HSD17B12: variants seen among roughly 807,000 people sequenced by gnomAD.
HSD17B12 encodes very-long-chain 3-oxoacyl-CoA reductase.
HSD17B12 carries 32 observed loss-of-function variants against 39.3 expected under a neutral mutation model. That is an observed-to-expected ratio of 0.81 (90% CI 0.61 to 1.09). The LOEUF (loss-of-function observed/expected upper bound fraction) is 1.09. Ranked by LOEUF, HSD17B12 falls within the 50% of genes least tolerant of loss-of-function variation. The pLI, the probability that HSD17B12 is intolerant of heterozygous loss-of-function variation, is 0.00. For missense variants in HSD17B12, 342 were observed against 382.9 expected (o/e 0.89, Z 0.89); for synonymous variants, 150 against 146.7 (o/e 1.02, Z -0.16).
chr11:43,588,181 T>A, the HSD17B12 span, among the ~76,000 whole-genome samples: 5 of 152,204 alleles, frequency 3.3e-5, no homozygotes, highest in Non-Finnish European at 7.3e-5. Context: ...TTTACTGATT[T>A]TAGAACTGAT....
the HSD17B12 span, among the ~76,000 whole-genome samples, chr11:43,598,769 G>C: frequency 6.6e-6 from 1 of 152,160 alleles, no homozygotes; most frequent in Non-Finnish European, 1.5e-5. Flanking sequence ...TCAGAGTGGG[G>C]TATGCGGGTG....
At chr11:43,655,546 C>T in the HSD17B12 span, among the ~76,000 whole-genome samples, 2 of 152,142 alleles carry the variant, frequency 1.3e-5, no homozygotes, top group Admixed American at 6.5e-5. Context: ...GTGGGTTTCT[C>T]ATAGATAGCT....
chr11:43,796,036 G>A (rs1486090299), intron 3 of HSD17B12, among the ~76,000 whole-genome samples: 2 of 152,126 alleles, frequency 1.3e-5, no homozygotes, highest in Admixed American at 1.3e-4. Flanking sequence ...GGAATGGTAA[G>A]TTTAAGTCCC....
At chr11:43,757,662 A>AAAAAC (rs1950522132) in intron 3 of HSD17B12, among the ~76,000 whole-genome samples, 1 of 144,248 alleles carries the variant, frequency 6.9e-6, no homozygotes, top group Non-Finnish European at 1.5e-5. Context: ...AAAAAAAAAA[A>AAAAAC]AAAAACAAAT....
At chr11:43,608,884 C>T in the HSD17B12 span, among the ~76,000 whole-genome samples, 2 of 152,064 alleles carry the variant, frequency 1.3e-5, no homozygotes, top group African/African-American at 2.4e-5. Flanking sequence ...TCATAGGGAC[C>T]CTCTGAGGTT....
chr11:43,754,302 G>A (rs2097447870), intron 3 of HSD17B12, among the ~76,000 whole-genome samples, 181 bp downstream of exon 3: 1 of 152,200 alleles, frequency 6.6e-6, no homozygotes, highest in African/African-American at 2.4e-5. Flanking sequence ...GCTGGGTGCG[G>A]TGGCTCACGC....
At chr11:43,665,367 C>T in the HSD17B12 span, among the ~76,000 whole-genome samples, 2 of 152,080 alleles carry the variant, frequency 1.3e-5, no homozygotes, top group South Asian at 2.1e-4. Context: ...TGCAGGCATG[C>T]GCCACCATGC....
At chr11:43,742,068 C>T (rs1950370721) in intron 1 of HSD17B12, among the ~76,000 whole-genome samples, 1 of 148,146 alleles carries the variant, frequency 6.8e-6, no homozygotes, top group Non-Finnish European at 1.5e-5. Flanking sequence ...CAGCTGCTAT[C>T]TCTGCTACTA....
intron 1 of HSD17B12, among the ~76,000 whole-genome samples, chr11:43,696,319 CA>C (rs1433761030): frequency 6.6e-6 from 1 of 151,892 alleles, no homozygotes; most frequent in Non-Finnish European, 1.5e-5. Flanking sequence ...GCAAGTTAAA[CA>C]AATTTATAAG....
rs969479326 is a variant in HSD17B12, at chr11:43,831,961, A to T, written c.536+951A>T. On this transcript the variant is annotated intron_variant, in intron 7 of 10. Transcript: ENST00000278353. The surrounding 1 kb of genome is among the most constrained non-coding windows in gnomAD (Gnocchi z 4.1). ...TTGATAGCCTCCCACCATTGTACAG[A>T]TGAGGAAACTGAGGTTAGGAATCCA... Among the ~76,000 whole-genome samples, 1 of 152,220 alleles carries T rather than the reference A, an allele frequency of 6.6e-6. No individual in the cohort carries two copies. Among genetic ancestry groups the T allele is most frequent in the Admixed American group, 6.5e-5 (1 of 15,288 alleles).
intron 6 of HSD17B12, among the ~76,000 whole-genome samples, chr11:43,818,599 A>G (rs997198635): frequency 2.6e-5 from 4 of 152,210 alleles, no homozygotes; most frequent in Non-Finnish European, 5.9e-5. Context: ...TACTAGTTTA[A>G]GGAAATTCAA....
chr11:43,681,140 C>G (rs1949740574), intron 1 of HSD17B12, 153 bp downstream of exon 1: 2 of 1,417,950 alleles, frequency 1.4e-6, no homozygotes, highest in Non-Finnish European at 1.8e-6. Context: ...TCCTGGCTCC[C>G]TTGGCTGTCT....
intron 3 of HSD17B12, among the ~76,000 whole-genome samples, chr11:43,775,732 A>G (rs1950695697): frequency 2.6e-5 from 4 of 151,140 alleles, no homozygotes; most frequent in South Asian, 4.2e-4. Context: ...AGCATTAGGT[A>G]TATCTCCCAA....
intron 1 of HSD17B12, among the ~76,000 whole-genome samples, chr11:43,740,088 A>G (rs902830259): frequency 1.3e-5 from 2 of 152,154 alleles, no homozygotes; most frequent in African/African-American, 4.8e-5. Context: ...GGTGGTAGCA[A>G]TGGGAAGAAG....
the HSD17B12 span, among the ~76,000 whole-genome samples, chr11:43,632,071 G>A: frequency 1.3e-5 from 2 of 152,196 alleles, no homozygotes; most frequent in Non-Finnish European, 1.5e-5. Flanking sequence ...TTGTCAGAAA[G>A]CGCAGATCCT....
At chr11:43,586,042 T>G in the HSD17B12 span, among the ~76,000 whole-genome samples, 22 of 152,180 alleles carry the variant, frequency 1.4e-4, no homozygotes, top group Non-Finnish European at 2.8e-4. Context: ...GTTAAGTGAT[T>G]TTACCAAGGT....
chr11:43,785,993 T>C (rs990322043), intron 3 of HSD17B12, among the ~76,000 whole-genome samples: 2 of 152,170 alleles, frequency 1.3e-5, no homozygotes, highest in Non-Finnish European at 2.9e-5. Flanking sequence ...TGGATACAAG[T>C]TTTCCAAAAC....
At chr11:43,762,104 A>G (rs1565078663) in intron 3 of HSD17B12, among the ~76,000 whole-genome samples, 1 of 152,228 alleles carries the variant, frequency 6.6e-6, no homozygotes, top group Non-Finnish European at 1.5e-5. Flanking sequence ...GGAAAAACAT[A>G]GAATTCCAAG....
chr11:43,636,212 T>A, the HSD17B12 span, among the ~76,000 whole-genome samples: 2 of 152,360 alleles, frequency 1.3e-5, no homozygotes, highest in East Asian at 1.9e-4. Context: ...GTGAGAACTA[T>A]GTTGCACCGT....
Sources: gnomAD v4.1 joint callset for allele counts (sites outside exome capture counted in the v4.1 genomes callset) on GRCh38, gnomAD v4.1.1 for gene constraint, Gnocchi (gnomAD v3.1) non-coding constraint, MANE v1.5 for transcripts, NCBI Gene and HGNC (gene_info 2026-07-23, HGNC 2026-07-21) for gene names.